Variants in NUP210L observed in about 807,000 individuals in gnomAD.
The protein encoded by NUP210L is nucleoporin 210 like, also known as nuclear pore membrane glycoprotein 210-like.
NUP210L carries 74 observed loss-of-function variants against 208.5 expected under a neutral mutation model. The ratio of observed to expected loss-of-function variants is 0.35; its 90% CI spans 0.29 to 0.43. The LOEUF (loss-of-function observed/expected upper bound fraction) is 0.43, where lower values mean the gene tolerates loss of function less well. NUP210L is among the 20% of genes least tolerant of loss of function. NUP210L has a pLI of 1.00. For synonymous variants in NUP210L, 780 were observed against 816.9 expected (o/e 0.95, Z 0.77); for missense variants, 1,843 against 2,289.4 (o/e 0.81, Z 3.98).
chr1:154,111,051 TAAA>T (rs746281644), intron 12 of NUP210L, among the ~76,000 whole-genome samples: 5 of 124,866 alleles, frequency 4.0e-5, no homozygotes, highest in Admixed American at 8.1e-5. Flanking sequence ...TTAGCCAGAC[TAAA>T]AAAAAAAAAA....
rs368212393 is a variant in NUP210L, at chr1:154,058,709, T to C, written c.2851-16A>G. ...ATGGAACTAACTGGAAGTAAGAAGA[T>C]GGTAGCTGGATAAAGAAGCAAACAT... is the stretch of plus-strand genomic sequence containing the variant. On this transcript the variant is annotated splice_polypyrimidine_tract_variant and intron_variant, in intron 20 of 39. Transcript: ENST00000368559. 6.2e-7 allele frequency: 1 copy of C among 1,611,476 alleles called. No individual in the cohort carries two copies. The highest frequency in any genetic ancestry group is 1.1e-5 in the South Asian group (1 of 90,606).
intron 27 of NUP210L, among the ~76,000 whole-genome samples, chr1:154,033,513 G>A (rs971121340): frequency 1.3e-5 from 2 of 152,126 alleles, no homozygotes; most frequent in East Asian, 1.9e-4. Context: ...TGTTTTTTCC[G>A]CAATGTGTAT....
exon 5 of NUP210L, chr1:154,139,913 T>A (rs750996745): frequency 6.2e-7 from 1 of 1,610,866 alleles, no homozygotes; most frequent in South Asian, 1.1e-5. Flanking sequence ...CAGCTATATA[T>A]ATTGGGGGAG....
intron 14 of NUP210L, among the ~76,000 whole-genome samples, chr1:154,099,749 A>G (rs895160554): frequency 1.3e-5 from 2 of 152,240 alleles, no homozygotes; most frequent in Non-Finnish European, 2.9e-5. Context: ...AAAAAGAAGA[A>G]AGGAGAATAT....
At chr1:154,022,448 C>T (rs1213203830) in intron 31 of NUP210L, 105 bp from the exon 32 acceptor site, 2 of 853,340 alleles carry the variant, frequency 2.3e-6, no homozygotes, top group Admixed American at 2.1e-5. Context: ...CTCAGAAGTT[C>T]AGAAGGAATT....
chr1:153,999,439 C>T lies in NUP210L; in HGVS notation c.5386+1417G>A, dbSNP rs1650078653. 2.0e-5 allele frequency among the ~76,000 whole-genome samples: 3 copies of T among 152,168 alleles called. No individual in the cohort carries two copies. In the South Asian group the frequency reaches 6.2e-4, roughly 32 times the overall value. On this transcript the variant is annotated intron_variant, in intron 37 of 39. Coordinates refer to ENST00000368559, the Ensembl canonical transcript of NUP210L. The stretch of plus-strand genomic sequence containing the variant: ...TTAAATACTTTTGAAGACAACAAAA[C>T]ATTTATCAATAAGATTGGCCGGGTG...
At chr1:154,053,379 G>A (rs781326767) in intron 25 of NUP210L, among the ~76,000 whole-genome samples, 21 of 152,302 alleles carry the variant, frequency 1.4e-4, no homozygotes, top group African/African-American at 4.1e-4. Flanking sequence ...TGATAAAGCC[G>A]CCTTTGCTTT....
At chr1:154,023,101 C>T (rs1210088115) in intron 31 of NUP210L, 21 bp downstream of exon 31, 9 of 1,605,724 alleles carry the variant, frequency 5.6e-6, no homozygotes, top group Non-Finnish European at 6.8e-6. Flanking sequence ...AGTGTCAATA[C>T]CATTCCTTTG....
At chr1:153,999,380 G>T (rs1417022018) in intron 37 of NUP210L, among the ~76,000 whole-genome samples, 1 of 152,154 alleles carries the variant, frequency 6.6e-6, no homozygotes, top group East Asian at 1.9e-4. Context: ...TGGTTCTAGG[G>T]TTAACATTGG....
intron 12 of NUP210L, among the ~76,000 whole-genome samples, chr1:154,112,413 AC>A (rs1394682313): frequency 7.9e-5 from 12 of 152,294 alleles, no homozygotes; most frequent in African/African-American, 2.2e-4. Context: ...CTCTAAAAAA[AC>A]ATTGCTAAAA....
chr1:154,029,959 C>A, exon 28 of NUP210L: 1 of 1,612,448 alleles, frequency 6.2e-7, no homozygotes, highest in South Asian at 1.1e-5. Flanking sequence ...AGGAACTGTT[C>A]ATGCAGTGAA....
chr1:154,057,168 G>A (rs939275161), intron 22 of NUP210L, among the ~76,000 whole-genome samples: 1 of 151,632 alleles, frequency 6.6e-6, no homozygotes, highest in African/African-American at 2.4e-5. Context: ...TTGTAGAGCC[G>A]GGGTCTCACT....
At chr1:154,067,359 T>C (rs567991302) in intron 17 of NUP210L, among the ~76,000 whole-genome samples, 343 of 152,272 alleles carry the variant, frequency 2.3e-3, no homozygotes, top group African/African-American at 8.1e-3. Flanking sequence ...ATTATCTCAA[T>C]AGTTGCAGGA....
rs1216438178 is a variant in NUP210L, at chr1:154,042,957, C to T, written c.3696+3112G>A. On this transcript the variant is annotated intron_variant, in intron 27 of 39. Coordinates refer to ENST00000368559, the Ensembl canonical transcript of NUP210L. Reference sequence around the variant, plus strand: ...GAACTCCTGGGCTCAAGTGACGCACCCACCTTGGCCTCCCAAATTGCTGGA... The same window carrying T: ...GAACTCCTGGGCTCAAGTGACGCACTCACCTTGGCCTCCCAAATTGCTGGA... 2.1e-5 allele frequency among the ~76,000 whole-genome samples: 3 copies of T among 140,038 alleles called. No individual in the cohort carries two copies. In the Admixed American group the frequency reaches 2.2e-4, roughly 10 times the overall value. 91.9% of individuals were successfully genotyped at this position (140,038 alleles called of 152,430 possible). A position where few individuals can be genotyped will look rare whatever the true frequency, so the allele number is the denominator to read the frequency against.
chr1:154,023,230 A>C (rs748855598), exon 31 of NUP210L: 1 of 1,613,932 alleles, frequency 6.2e-7, no homozygotes, highest in Non-Finnish European at 8.5e-7. Context: ...AAATGCTGAC[A>C]GGGTCCTTCC....
At chr1:154,000,776 C>G (rs1477187482) in intron 37 of NUP210L, 80 bp downstream of exon 37, 50 of 1,249,414 alleles carry the variant, frequency 4.0e-5, no homozygotes, top group Non-Finnish European at 5.8e-5. Context: ...GAAAGCAAAA[C>G]TGCAGATGGG....
intron 16 of NUP210L, among the ~76,000 whole-genome samples, chr1:154,076,102 CTTTTTTTTT>C (rs60524355): frequency 6.8e-5 from 8 of 117,940 alleles, no homozygotes; most frequent in Non-Finnish European, 1.4e-4. Flanking sequence ...ACAAAGACTT[CTTTTTTTTT>C]TTTTTTTTTT....
At chr1:154,061,918 C>G (rs1019083257) in intron 17 of NUP210L, among the ~76,000 whole-genome samples, 1 of 152,098 alleles carries the variant, frequency 6.6e-6, no homozygotes, top group Non-Finnish European at 1.5e-5. Context: ...ACCACAACCT[C>G]CCGGGTTCAA....
intron 11 of NUP210L, 21 bp from the exon 12 acceptor site, chr1:154,117,901 T>C (rs376847131): frequency 6.5e-7 from 1 of 1,549,880 alleles, no homozygotes; most frequent in Admixed American, 1.9e-5. Flanking sequence ...ACACATTACA[T>C]TTAATTACAA....
Sources: allele counts gnomAD v4.1 joint callset (sites outside exome capture counted in the v4.1 genomes callset), GRCh38; gene constraint gnomAD v4.1.1; transcripts MANE v1.5; gene names NCBI Gene and HGNC (gene_info 2026-07-23, HGNC 2026-07-21).